Variants in EFHC2 observed in about 807,000 individuals in gnomAD.
EFHC2 encodes the protein EF-hand domain containing 2.
A neutral mutation model predicts 52.7 loss-of-function variants in EFHC2; 18 were observed. The ratio of observed to expected loss-of-function variants is 0.34; its 90% CI spans 0.24 to 0.51. The LOEUF (loss-of-function observed/expected upper bound fraction) is 0.51. EFHC2 is among the 20% of genes least tolerant of loss of function. EFHC2 has a pLI of 0.97. For missense variants in EFHC2, 513 were observed against 562.5 expected, an observed-to-expected ratio of 0.91 and a Z score of 0.89; for synonymous variants, 203 against 204.1, an observed-to-expected ratio of 0.99 and a Z score of 0.04.
chrX:44,152,487 A>C (rs1255527387), intron 14 of EFHC2, among the ~76,000 whole-genome samples: 1 of 111,495 alleles, frequency 9.0e-6, no homozygotes, highest in Non-Finnish European at 1.9e-5. Flanking sequence ...AAGAAAAGTT[A>C]AGTAGAAAAC....
intron 5 of EFHC2, among the ~76,000 whole-genome samples, chrX:44,249,895 T>C (rs2037429224): frequency 8.9e-6 from 1 of 112,554 alleles, no homozygotes; most frequent in African/African-American, 3.2e-5. Flanking sequence ...ATTCTTTTAC[T>C]AAGGAGTCAT....
intron 2 of EFHC2, among the ~76,000 whole-genome samples, chrX:44,304,314 C>T (rs1318862251): frequency 1.8e-5 from 2 of 111,747 alleles, no homozygotes; most frequent in African/African-American, 6.5e-5. Flanking sequence ...CCTTACAGAT[C>T]AGCTAGCCAA....
intron 1 of EFHC2, among the ~76,000 whole-genome samples, chrX:44,341,318 T>C (rs2038150426): frequency 8.9e-6 from 1 of 112,592 alleles, no homozygotes; most frequent in East Asian, 2.8e-4. Context: ...AGATTCTCAG[T>C]TAAATTTGGT....
At chrX:44,202,760 C>A (rs2037016686) in intron 11 of EFHC2, among the ~76,000 whole-genome samples, 1 of 110,906 alleles carries the variant, frequency 9.0e-6, no homozygotes, top group Non-Finnish European at 1.9e-5. Context: ...TACCCCAGAA[C>A]CCACTATAAT....
intron 1 of EFHC2, among the ~76,000 whole-genome samples, chrX:44,338,060 G>A (rs1340972988): frequency 9.0e-6 from 1 of 111,719 alleles, no homozygotes; most frequent in African/African-American, 3.3e-5. Flanking sequence ...GAGATTTGAG[G>A]TGATGAAAAT....
At chrX:44,212,592 A>G (rs1156875864) in intron 11 of EFHC2, among the ~76,000 whole-genome samples, 1 of 111,442 alleles carries the variant, frequency 9.0e-6, no homozygotes, top group African/African-American at 3.3e-5. Context: ...TTCACAGTCC[A>G]AGGGCACAGG....
Position 44,178,063 on chromosome X carries a change from G to A in EFHC2, c.1949+304C>T, listed in dbSNP as rs949510754. 2.8e-5 allele frequency among the ~76,000 whole-genome samples: 3 copies of A among 108,005 alleles called. No individual in the cohort carries two copies. The East Asian group carries it at 8.7e-4, about 31-fold the overall frequency. 93.8% of individuals were successfully genotyped at this position (108,005 alleles called of 115,157 possible). On this transcript the variant is annotated intron_variant, in intron 12 of 14. Transcript: ENST00000420999. ...GGAGACTCTCTTGAACCTGGGAGGTGGAGGTTGCAGTGAGCCGAGGTTGCG... is the reference window on the plus strand; with the variant it reads ...GGAGACTCTCTTGAACCTGGGAGGTAGAGGTTGCAGTGAGCCGAGGTTGCG...
chrX:44,176,269 T>C, intron 13 of EFHC2, 23 bp downstream of exon 13: 3 of 1,131,715 alleles, frequency 2.7e-6, no homozygotes, highest in Non-Finnish European at 3.6e-6. Context: ...ACAATCCCTA[T>C]CAAGAGTGGA....
chrX:44,271,663 G>A (rs1267535704), intron 3 of EFHC2, among the ~76,000 whole-genome samples: 1 of 110,308 alleles, frequency 9.1e-6, no homozygotes, highest in African/African-American at 3.3e-5. Context: ...CTATCTACAC[G>A]AGGGAACAAA....
At chrX:44,312,478 T>G (rs2037953976) in intron 2 of EFHC2, 90 bp downstream of exon 2, 5 of 704,748 alleles carry the variant, frequency 7.1e-6, no homozygotes, top group African/African-American at 2.2e-5. Context: ...CCTTAACATT[T>G]ACACTGAAGA....
At chrX:44,248,225 A>C in intron 7 of EFHC2, 47 bp downstream of exon 7, 7 of 1,059,611 alleles carry the variant, frequency 6.6e-6, no homozygotes, top group Non-Finnish European at 8.8e-6. Context: ...TAGGGAACAA[A>C]CAATTTAATT....
At chrX:44,180,757 T>TAAAAA (rs35028791) in intron 11 of EFHC2, among the ~76,000 whole-genome samples, 4 of 104,907 alleles carry the variant, frequency 3.8e-5, no homozygotes, top group East Asian at 3.0e-4. Context: ...AATAAATAAA[T>TAAAAA]AAAAATAAAA....
intron 8 of EFHC2, among the ~76,000 whole-genome samples, chrX:44,241,405 G>A (rs1414089743): frequency 8.9e-6 from 1 of 111,913 alleles, no homozygotes; most frequent in Non-Finnish European, 1.9e-5. Context: ...TATGGTTACT[G>A]AACTCAACCA....
At chrX:44,330,645 G>A (rs1038615807) in intron 1 of EFHC2, among the ~76,000 whole-genome samples, 1 of 111,799 alleles carries the variant, frequency 8.9e-6, no homozygotes, top group Non-Finnish European at 1.9e-5. Context: ...ACTCTAGCCT[G>A]GGCAACACAG....
intron 11 of EFHC2, among the ~76,000 whole-genome samples, chrX:44,202,946 C>T (rs183880216): frequency 1.8e-5 from 2 of 110,904 alleles, no homozygotes; most frequent in African/African-American, 6.6e-5. Flanking sequence ...TATGGAGAGA[C>T]GGGTCATCTC....
At chrX:44,231,241 T>C (rs183604707) in intron 10 of EFHC2, among the ~76,000 whole-genome samples, 7 of 111,794 alleles carry the variant, frequency 6.3e-5, no homozygotes, top group Admixed American at 5.7e-4. Flanking sequence ...ACCTTCCGGA[T>C]TCACACAGAG....
At chrX:44,169,282 T>G in intron 13 of EFHC2, among the ~76,000 whole-genome samples, 1 of 110,664 alleles carries the variant, frequency 9.0e-6, no homozygotes, top group African/African-American at 3.3e-5. Context: ...TATTATTTAT[T>G]TATTTATTTT....
intron 14 of EFHC2, among the ~76,000 whole-genome samples, chrX:44,150,341 C>A (rs188347288): frequency 3.6e-5 from 4 of 111,427 alleles, no homozygotes; most frequent in South Asian, 7.6e-4. Flanking sequence ...GGCATAGGGA[C>A]CAGCGTAAGC....
chrX:44,329,601 C>A (rs1285550671), intron 1 of EFHC2, among the ~76,000 whole-genome samples: 1 of 89,053 alleles, frequency 1.1e-5, no homozygotes. Flanking sequence ...TAAAATGGAT[C>A]ACAGAATTTT....
Sources: gnomAD v4.1 joint callset for allele counts (sites outside exome capture counted in the v4.1 genomes callset) on GRCh38, gnomAD v4.1.1 for gene constraint, MANE v1.5 for transcripts, NCBI Gene and HGNC (gene_info 2026-07-23, HGNC 2026-07-21) for gene names.